IFT88: variants seen among roughly 807,000 people sequenced by gnomAD.
IFT88 encodes intraflagellar transport protein 88 homolog.
A neutral mutation model predicts 119.5 loss-of-function variants in IFT88; 74 were observed. The ratio of observed to expected loss-of-function variants is 0.62; its 90% confidence interval spans 0.51 to 0.75. The LOEUF is 0.75. Among genes scored for constraint, IFT88 ranks in the 30% least tolerant of loss-of-function variants. IFT88 has a pLI of 0.00. For synonymous variants in IFT88, 279 were observed against 316.7 expected (o/e 0.88, Z 1.26); for missense variants, 961 against 977.7 (o/e 0.98, Z 0.23).
intron 24 of IFT88, among the ~76,000 whole-genome samples, chr13:20,671,728 T>G (rs2055894553): frequency 6.6e-6 from 1 of 152,180 alleles, no homozygotes; most frequent in Admixed American, 6.5e-5. Flanking sequence ...TTTGGTGATT[T>G]TAAAGAAGCT....
chr13:20,570,486 T>C (rs1399908732), intron 1 of IFT88, among the ~76,000 whole-genome samples: 1 of 152,226 alleles, frequency 6.6e-6, no homozygotes. Flanking sequence ...GTCCATTAAC[T>C]AATGAATGGA....
chr13:20,606,670 A>G (rs1049964204), intron 13 of IFT88, among the ~76,000 whole-genome samples: 2 of 152,146 alleles, frequency 1.3e-5, no homozygotes, highest in Non-Finnish European at 1.5e-5. Flanking sequence ...CCTGAGGTCA[A>G]AAGTTCGAGA....
chr13:20,643,486 A>C lies in IFT88; in HGVS notation c.1714A>C (p.Ile572Leu). 1 of 1,607,596 alleles carries C rather than the reference A, an allele frequency of 6.2e-7. No individual in the cohort carries two copies. The highest frequency in any genetic ancestry group is 8.5e-7 in the Non-Finnish European group (1 of 1,178,150). The part of the protein sequence containing the change: ...YELMENPSQA[I>L]EWLMQVVSVI... ...ATTAATGGAAAATCCCAGTCAAGCT[A>C]TTGAATGGCTAATGCAGGTGGTCAG... The change falls in exon 19 of 26, where the codon ATT (isoleucine) becomes CTT (leucine). Residue 572 changes from isoleucine to leucine, a missense_variant. Transcript: ENST00000351808.
chr13:20,675,298 A>G (rs557785035), intron 24 of IFT88, among the ~76,000 whole-genome samples: 8 of 152,160 alleles, frequency 5.3e-5, no homozygotes, highest in Non-Finnish European at 1.2e-4. Context: ...TCTAAGGATC[A>G]TGCCTGTCAG....
intron 1 of IFT88, among the ~76,000 whole-genome samples, chr13:20,568,311 C>G (rs1044826927): frequency 6.6e-6 from 1 of 152,314 alleles, no homozygotes; most frequent in East Asian, 1.9e-4. Context: ...AATCCAGAAA[C>G]CCTGGGTTGT....
At position 20,633,022 on chromosome 13, in the gene IFT88, T is replaced by A. The variant is rs140741762; in HGVS notation, c.1386+1920T>A. 4.7e-3 allele frequency among the ~76,000 whole-genome samples: 719 copies of A among 152,300 alleles called. 10 individuals are homozygous for A. The highest frequency in any genetic ancestry group is 0.016 in the African/African-American group (683 of 41,582). On this transcript the variant is annotated intron_variant, in intron 16 of 25. Coordinates refer to ENST00000351808, the MANE Select transcript of IFT88 (RefSeq NM_006531.5). ...TTGAAGAATGACTCCAGTGCTTCAA[T>A]CTACTGGTAGGAGAGTGGTACCAGT...
intron 2 of IFT88, among the ~76,000 whole-genome samples, chr13:20,579,839 A>G (rs560757454): frequency 6.6e-6 from 1 of 152,224 alleles, no homozygotes; most frequent in Non-Finnish European, 1.5e-5. Flanking sequence ...CTGATTATTC[A>G]GGACCCAAGG....
rs557090497 is a variant in IFT88, at chr13:20,680,897, G to A, written c.2243-9808G>A. On this transcript the variant is annotated intron_variant, in intron 24 of 25. Transcript: ENST00000351808. ...ATCTCTCCACCAAACCAGTTGTTCC[G>A]CTTCTATCTTTGCAGCTGGTTTTGG... 4.6e-5 allele frequency among the ~76,000 whole-genome samples: 7 copies of A among 152,232 alleles called. No homozygotes were observed. In the East Asian group the frequency reaches 7.7e-4, roughly 17 times the overall value.
At chr13:20,675,945 G>T (rs2056612708) in intron 24 of IFT88, among the ~76,000 whole-genome samples, 2 of 152,214 alleles carry the variant, frequency 1.3e-5, no homozygotes, top group African/African-American at 4.8e-5. Context: ...TTTTGGTAAT[G>T]ACAGGTGGGG....
chr13:20,635,372 A>C (rs2048869043), intron 16 of IFT88, among the ~76,000 whole-genome samples: 1 of 152,224 alleles, frequency 6.6e-6, no homozygotes, highest in South Asian at 2.1e-4. Context: ...ATATAAAGAC[A>C]GGATAACTGT....
chr13:20,591,271 C>CT (rs1416343160), intron 5 of IFT88, among the ~76,000 whole-genome samples: 1 of 152,052 alleles, frequency 6.6e-6, no homozygotes, highest in Non-Finnish European at 1.5e-5. Flanking sequence ...CTGATAATTG[C>CT]TTATATGATG....
intron 23 of IFT88, among the ~76,000 whole-genome samples, chr13:20,664,916 A>G (rs1431222141): frequency 2.6e-5 from 4 of 152,056 alleles, no homozygotes; most frequent in African/African-American, 4.8e-5. Context: ...TGTCTCTACT[A>G]AAAATACAAA....
chr13:20,657,762 A>AAAAT (rs532121643), intron 22 of IFT88, among the ~76,000 whole-genome samples: 4,808 of 151,128 alleles, frequency 0.032, 129 homozygotes, highest in African/African-American at 0.063. Context: ...ATTCTGTCTC[A>AAAAT]AAATAAATAA....
chr13:20,634,343 G>A (rs192925901), intron 16 of IFT88, among the ~76,000 whole-genome samples: 10 of 152,220 alleles, frequency 6.6e-5, no homozygotes, highest in Admixed American at 3.3e-4. Flanking sequence ...TCCCTCCCAA[G>A]ACTCTGAGTC....
chr13:20,663,458 G>C (rs375143552), intron 22 of IFT88, 40 bp from the exon 23 acceptor site: 121 of 1,598,896 alleles, frequency 7.6e-5, no homozygotes, highest in Admixed American at 2.9e-4. Flanking sequence ...CAAATATACT[G>C]TGCCTATATT....
At chr13:20,683,583 T>C (rs1426850892) in intron 24 of IFT88, among the ~76,000 whole-genome samples, 1 of 152,128 alleles carries the variant, frequency 6.6e-6, no homozygotes, top group Non-Finnish European at 1.5e-5. Flanking sequence ...CAACTCCAAC[T>C]CTGTTAAATT....
chr13:20,667,970 A>C (rs1420627681), intron 23 of IFT88, among the ~76,000 whole-genome samples: 1 of 152,070 alleles, frequency 6.6e-6, no homozygotes, highest in Non-Finnish European at 1.5e-5. Flanking sequence ...ACCCTCACTA[A>C]GATTAGTCAC....
chr13:20,624,236 C>T (rs564300432), intron 14 of IFT88, among the ~76,000 whole-genome samples: 120 of 151,874 alleles, frequency 7.9e-4, no homozygotes, highest in African/African-American at 2.8e-3. Context: ...TTTTTTCTTA[C>T]ATTTACCAGT....
intron 15 of IFT88, among the ~76,000 whole-genome samples, chr13:20,630,080 C>G (rs2047960458): frequency 6.6e-6 from 1 of 152,160 alleles, no homozygotes; most frequent in South Asian, 2.1e-4. Context: ...TACTTTAGAT[C>G]ACTTTTTGTA....
Sources: allele counts gnomAD v4.1 joint callset (sites outside exome capture counted in the v4.1 genomes callset), GRCh38; gene constraint gnomAD v4.1.1; transcripts MANE v1.5; gene names NCBI Gene and HGNC (gene_info 2026-07-23, HGNC 2026-07-21).